The following HSD17B3 variants were observed in gnomAD, a reference collection of about 807,000 sequenced individuals.
HSD17B3 encodes hydroxysteroid 17-beta dehydrogenase 3.
HSD17B3 carries 29 observed loss-of-function variants against 41.1 expected under a neutral mutation model. That is an observed-to-expected ratio of 0.71 (90% confidence interval 0.53 to 0.96). The LOEUF is 0.96. Ranked by LOEUF, HSD17B3 falls within the 40% of genes least tolerant of loss-of-function variation. The pLI is 0.00. For synonymous variants in HSD17B3, 126 were observed against 145.6 expected (o/e 0.87, Z 0.97); for missense variants, 323 against 374.6 (o/e 0.86, Z 1.14).
intron 2 of HSD17B3, among the ~76,000 whole-genome samples, chr9:96,259,429 AGT>A (rs1825780951): frequency 6.6e-6 from 1 of 152,212 alleles, no homozygotes; most frequent in Non-Finnish European, 1.5e-5. Flanking sequence ...TACATTCAAA[AGT>A]GTGTGGCGTG....
intron 2 of HSD17B3, among the ~76,000 whole-genome samples, chr9:96,288,430 T>G (rs191890803): frequency 3.3e-5 from 5 of 152,294 alleles, no homozygotes; most frequent in African/African-American, 9.6e-5. Context: ...ACAAAGGTAT[T>G]GTCACAAGTT....
intron 2 of HSD17B3, among the ~76,000 whole-genome samples, chr9:96,259,519 G>A (rs1243066560): frequency 6.6e-6 from 1 of 152,096 alleles, no homozygotes. Context: ...TCAGGAGTTC[G>A]AGACCAGCCT....
intron 3 of HSD17B3, 75 bp downstream of exon 3, chr9:96,254,793 C>T: frequency 1.6e-6 from 2 of 1,262,080 alleles, no homozygotes; most frequent in Non-Finnish European, 2.3e-6. Flanking sequence ...ATGCCAAGTA[C>T]ATCAACTGGC....
In HSD17B3 at chr9:96,245,389, C is replaced by G; in HGVS notation, c.562G>C (p.Ala188Pro). The G allele has an allele frequency of 6.2e-7, 1 of 1,614,116 alleles. No homozygotes were observed. Among genetic ancestry groups the G allele is most frequent in the East Asian group, 2.2e-5 (1 of 44,888 alleles). ...GAGTAGAGAGGCCAAGGAAACAGGGCTATCCCAGAAGAAATGTTCAGGATG... is the reference window on the plus strand; with the variant it reads ...GAGTAGAGAGGCCAAGGAAACAGGGGTATCCCAGAAGAAATGTTCAGGATG... ...GLILNISSGI[A>P]LFPWPLYSMY... Residue 188 changes from alanine to proline, a missense_variant, in exon 8 of 11, where the codon GCC becomes CCC. By Grantham distance (27) the Ala-to-Pro change is conservative (BLOSUM62 -1). Coordinates refer to ENST00000375263, the MANE Select transcript of HSD17B3 (RefSeq NM_000197.2).
intron 9 of HSD17B3, among the ~76,000 whole-genome samples, chr9:96,242,032 T>TA (rs59060950): frequency 0.14 from 18,758 of 136,242 alleles, 1,861 homozygotes; most frequent in African/African-American, 0.28. Flanking sequence ...AAAGAAAAAG[T>TA]AAAAAAAAAA....
At chr9:96,287,095 G>A (rs952716321) in intron 2 of HSD17B3, among the ~76,000 whole-genome samples, 15 of 152,174 alleles carry the variant, frequency 9.9e-5, no homozygotes, top group African/African-American at 3.6e-4. Flanking sequence ...AAAGAACTGT[G>A]TAGAGACGTC....
At chr9:96,297,559 C>A (rs1827415731) in intron 2 of HSD17B3, among the ~76,000 whole-genome samples, 1 of 151,960 alleles carries the variant, frequency 6.6e-6, no homozygotes, top group Admixed American at 6.6e-5. Flanking sequence ...GTTGGCCAGG[C>A]TGGTCTCGAA....
At chr9:96,255,030 G>T in intron 2 of HSD17B3, 87 bp from the exon 3 acceptor site, 2 of 1,057,146 alleles carry the variant, frequency 1.9e-6, no homozygotes, top group Non-Finnish European at 2.9e-6. Context: ...CTGAGACTGT[G>T]CACATACTGG....
chr9:96,298,906 A>G (rs1023529303), intron 1 of HSD17B3, among the ~76,000 whole-genome samples: 11 of 152,160 alleles, frequency 7.2e-5, no homozygotes, highest in Admixed American at 6.6e-4. Context: ...TCCTTCTAAA[A>G]GTGGAGCTCT....
intron 9 of HSD17B3, among the ~76,000 whole-genome samples, chr9:96,243,221 T>G (rs536094217): frequency 1.3e-5 from 2 of 152,278 alleles, no homozygotes; most frequent in East Asian, 3.9e-4. Context: ...CAGACAGAGT[T>G]GCAGCATTAC....
chr9:96,270,387 C>G (rs1390333267), intron 2 of HSD17B3, among the ~76,000 whole-genome samples: 2 of 151,968 alleles, frequency 1.3e-5, no homozygotes, highest in African/African-American at 4.8e-5. Context: ...TCAAGTAGCA[C>G]AAGAACAAAG....
chr9:96,264,372 T>C (rs1473256646), intron 2 of HSD17B3, among the ~76,000 whole-genome samples: 1 of 151,948 alleles, frequency 6.6e-6, no homozygotes, highest in Admixed American at 6.6e-5. Flanking sequence ...AGAGGGACTT[T>C]GTATGGATCA....
At chr9:96,271,413 T>A (rs2479821) in intron 2 of HSD17B3, among the ~76,000 whole-genome samples, 59,630 of 152,072 alleles carry the variant, frequency 0.39, 12,141 homozygotes, top group African/African-American at 0.48. Flanking sequence ...GAACTGCTGC[T>A]GGGGCTAAAA....
intron 1 of HSD17B3, among the ~76,000 whole-genome samples, chr9:96,299,511 CA>C: frequency 6.6e-6 from 1 of 152,282 alleles, no homozygotes; most frequent in South Asian, 2.1e-4. Context: ...ATGATACCAT[CA>C]ATAATAACGA....
At chr9:96,250,241 G>C in intron 5 of HSD17B3, 1 of 1,121,410 alleles carries the variant, frequency 8.9e-7, no homozygotes. Flanking sequence ...GAAAGGACAA[G>C]AGGACGGACA....
chr9:96,252,881 T>C lies in HSD17B3; in HGVS notation c.307A>G (p.Ile103Val). 1 of 1,612,934 alleles carries C rather than the reference T, an allele frequency of 6.2e-7. No homozygotes were observed. Among genetic ancestry groups the C allele is most frequent in the Non-Finnish European group, 8.5e-7 (1 of 1,178,902 alleles). ...ERTTGRSVKI[I>V]QADFTKDDIY... ...TCATCTTTTGTAAAATCTGCTTGTA[T>C]AATCTTCACACTCCTCCCTGTAGTC... Residue 103 changes from isoleucine (I) to valine (V), a missense_variant, in exon 4 of 11, where the codon ATA (isoleucine) becomes GTA (valine). Ile to Val is a conservative substitution (Grantham distance 29, BLOSUM62 3). Coordinates refer to ENST00000375263, the MANE Select transcript of HSD17B3 (RefSeq NM_000197.2).
chr9:96,301,528 T>G (rs1427578625), intron 1 of HSD17B3, among the ~76,000 whole-genome samples: 1 of 149,924 alleles, frequency 6.7e-6, no homozygotes, highest in African/African-American at 2.5e-5. Context: ...CTGGCCAACA[T>G]GGGGGAACCC....
chr9:96,238,322 C>G (rs1587707521), intron 10 of HSD17B3, among the ~76,000 whole-genome samples: 1 of 151,970 alleles, frequency 6.6e-6, no homozygotes, highest in East Asian at 1.9e-4. Context: ...GGATGCCATC[C>G]CCACTGGAGA....
intron 2 of HSD17B3, among the ~76,000 whole-genome samples, chr9:96,257,289 T>G (rs1368889280): frequency 1.3e-5 from 2 of 152,298 alleles, no homozygotes; most frequent in East Asian, 1.9e-4. Context: ...CTATTTGTAT[T>G]TATTAAATTA....
Sources: gnomAD v4.1 joint callset for allele counts (sites outside exome capture counted in the v4.1 genomes callset) on GRCh38, gnomAD v4.1.1 for gene constraint, MANE v1.5 for transcripts, NCBI Gene and HGNC (gene_info 2026-07-23, HGNC 2026-07-21) for gene names.